Variants in CEP128 observed in about 807,000 individuals in gnomAD.
CEP128 encodes the protein centrosomal protein 128.
Under a neutral mutation model 156.7 loss-of-function variants are expected in CEP128, and 132 were observed. The observed-to-expected ratio is 0.84, with a 90% CI of 0.73 to 0.97. The LOEUF is 0.97. Ranked by LOEUF, CEP128 falls within the 50% of genes least tolerant of loss-of-function variation. The pLI, the probability that CEP128 is intolerant of heterozygous loss-of-function variation, is 0.00. For missense variants in CEP128, 1,252 were observed against 1,281.9 expected (o/e 0.98, Z 0.36); for synonymous variants, 469 against 448.9 (o/e 1.04, Z -0.57).
chr14:80,507,607 C>T (rs776961959), intron 23 of CEP128, among the ~76,000 whole-genome samples: 25 of 152,138 alleles, frequency 1.6e-4, no homozygotes, highest in Non-Finnish European at 3.1e-4. Context: ...TGGTTTCCCA[C>T]TAAAAGATGC....
chr14:80,848,952 T>C (rs1343400158), intron 9 of CEP128, among the ~76,000 whole-genome samples: 3 of 151,406 alleles, frequency 2.0e-5, no homozygotes, highest in African/African-American at 4.8e-5. Flanking sequence ...TTGAAGGGTC[T>C]TGAAGAAAGA....
At chr14:80,907,489 C>T (rs2139456488) in intron 4 of CEP128, among the ~76,000 whole-genome samples, 1 of 151,948 alleles carries the variant, frequency 6.6e-6, no homozygotes, top group Non-Finnish European at 1.5e-5. Flanking sequence ...GAAACCTCGT[C>T]TCTCCTAAAA....
At chr14:80,697,295 G>A (rs1284560510) in intron 19 of CEP128, among the ~76,000 whole-genome samples, 3 of 151,974 alleles carry the variant, frequency 2.0e-5, no homozygotes, top group Non-Finnish European at 4.4e-5. Flanking sequence ...AACTATAATG[G>A]TTGTTCTCCT....
chr14:80,910,764 T>C (rs1462782652), intron 4 of CEP128, among the ~76,000 whole-genome samples: 1 of 152,184 alleles, frequency 6.6e-6, no homozygotes, highest in Non-Finnish European at 1.5e-5. Context: ...AGGCTCCCTC[T>C]AGCCAAAGAT....
Position 80,685,542 on chromosome 14 carries a change from G to A in CEP128, c.2806+57533C>T, listed in dbSNP as rs542476335. ...GCCCAAATCAATCTACAGATTCAAC[G>A]TTATTCCTCTATCAAGCTACCAGTG... On this transcript the variant is annotated intron_variant, in intron 19 of 24. Transcript: ENST00000555265. Among the ~76,000 whole-genome samples, 11 of 152,076 alleles carry A rather than the reference G, an allele frequency of 7.2e-5. No homozygotes were observed. The South Asian group carries it at 1.5e-3, about 20-fold the overall frequency.
intron 19 of CEP128, among the ~76,000 whole-genome samples, chr14:80,681,680 T>A (rs1001176938): frequency 2.0e-5 from 3 of 152,242 alleles, no homozygotes; most frequent in African/African-American, 4.8e-5. Flanking sequence ...TGCCGCCTTA[T>A]GAAGAAGGTT....
At chr14:80,854,737 G>C (rs1363306608) in intron 9 of CEP128, among the ~76,000 whole-genome samples, 1 of 152,120 alleles carries the variant, frequency 6.6e-6, no homozygotes, top group Non-Finnish European at 1.5e-5. Flanking sequence ...AATGTTAAAA[G>C]AACTACGTGA....
At chr14:80,560,797 T>C (rs546558662) in intron 20 of CEP128, among the ~76,000 whole-genome samples, 168 of 152,268 alleles carry the variant, frequency 1.1e-3, no homozygotes, top group Admixed American at 5.0e-3. Flanking sequence ...TTCTTCAGTT[T>C]TGGGGCTTGG....
At chr14:80,770,824 G>A (rs1900476556) in intron 16 of CEP128, among the ~76,000 whole-genome samples, 1 of 152,136 alleles carries the variant, frequency 6.6e-6, no homozygotes, top group Non-Finnish European at 1.5e-5. Flanking sequence ...GGTCTAAAGT[G>A]TAAACATTAA....
chr14:80,919,989 A>G (rs1283011885), intron 2 of CEP128, among the ~76,000 whole-genome samples: 1 of 152,222 alleles, frequency 6.6e-6, no homozygotes, highest in East Asian at 1.9e-4. Flanking sequence ...TAAGCATATG[A>G]AACATTCAGC....
intron 9 of CEP128, among the ~76,000 whole-genome samples, chr14:80,846,035 A>T (rs1178987919): frequency 6.6e-6 from 1 of 152,178 alleles, no homozygotes; most frequent in Admixed American, 6.5e-5. Flanking sequence ...CATAGCATTA[A>T]CGGCATTAAA....
chr14:80,682,915 A>C (rs2139261371), intron 19 of CEP128, among the ~76,000 whole-genome samples: 1 of 152,294 alleles, frequency 6.6e-6, no homozygotes, highest in Non-Finnish European at 1.5e-5. Context: ...TTACCACTAG[A>C]CCAGCCTTTC....
intron 19 of CEP128, among the ~76,000 whole-genome samples, chr14:80,624,846 A>C (rs533755115): frequency 6.6e-6 from 1 of 152,166 alleles, no homozygotes; most frequent in South Asian, 2.1e-4. Context: ...GTTTGCAAAT[A>C]TTTTCTGCCA....
At chr14:80,617,896 C>T (rs892035444) in intron 19 of CEP128, among the ~76,000 whole-genome samples, 1 of 152,228 alleles carries the variant, frequency 6.6e-6, no homozygotes, top group African/African-American at 2.4e-5. Context: ...CTCTATCGGG[C>T]TGCATGGGTT....
At chr14:80,585,759 T>C (rs1355986033) in intron 19 of CEP128, among the ~76,000 whole-genome samples, 1 of 152,196 alleles carries the variant, frequency 6.6e-6, no homozygotes, top group Non-Finnish European at 1.5e-5. Flanking sequence ...GTCTCGACAT[T>C]TACCAAACAC....
At chr14:80,567,574 A>C (rs1000351554) in intron 20 of CEP128, among the ~76,000 whole-genome samples, 1 of 152,212 alleles carries the variant, frequency 6.6e-6, no homozygotes, top group Non-Finnish European at 1.5e-5. Context: ...CTTTAAAATA[A>C]TCATTTCAAG....
intron 20 of CEP128, among the ~76,000 whole-genome samples, chr14:80,568,099 T>C (rs909612671): frequency 1.3e-5 from 2 of 152,054 alleles, no homozygotes; most frequent in Non-Finnish European, 2.9e-5. Context: ...AATAAGAGGG[T>C]ATGCTTTCAT....
At chr14:80,571,978 C>A (rs375062531) in intron 20 of CEP128, among the ~76,000 whole-genome samples, 2 of 152,096 alleles carry the variant, frequency 1.3e-5, no homozygotes, top group Non-Finnish European at 2.9e-5. Flanking sequence ...AGGATTGTTG[C>A]GAGTAATAAT....
At chr14:80,584,160 T>G (rs1891710238) in intron 19 of CEP128, among the ~76,000 whole-genome samples, 1 of 127,130 alleles carries the variant, frequency 7.9e-6, no homozygotes, top group Non-Finnish European at 1.6e-5. Flanking sequence ...TTTTTTTTTT[T>G]TTTGTTTGAC....
Sources: gnomAD v4.1 joint callset for allele counts (sites outside exome capture counted in the v4.1 genomes callset) on GRCh38, gnomAD v4.1.1 for gene constraint, MANE v1.5 for transcripts, NCBI Gene and HGNC (gene_info 2026-07-23, HGNC 2026-07-21) for gene names.